The following C3AR1 variants were observed in gnomAD, a reference collection of about 807,000 sequenced individuals.
C3AR1 encodes the protein complement C3a receptor 1.
For missense variants in C3AR1, 579 were observed against 583.5 expected (o/e 0.99, Z 0.08); for synonymous variants, 208 against 225.3 (o/e 0.92, Z 0.69).
In C3AR1 at chr12:8,059,491, T is replaced by C. The variant is rs762956736; in HGVS notation, c.695A>G (p.Gln232Arg). The part of the protein sequence containing the change: ...PWTVPTVFQP[Q>R]TFQRPSADSL... The stretch of plus-strand genomic sequence containing the variant: ...ATCTGCAGAAGGTCTTTGAAATGTT[T>C]GAGGTTGGAAGACAGTGGGGACTGT... Residue 232 changes from glutamine to arginine, a missense_variant, in exon 2 of 2, where the codon CAA (glutamine) becomes CGA (arginine). Physicochemically the swap from Gln to Arg is conservative, Grantham distance 43. Coordinates refer to ENST00000307637, the MANE Select transcript of C3AR1 (RefSeq NM_004054.4). 2.7e-5 allele frequency: 44 copies of C among 1,614,058 alleles called. No individual in the cohort carries two copies. Among genetic ancestry groups the C allele is most frequent in the Non-Finnish European group, 3.6e-5 (42 of 1,180,022 alleles).
Position 8,059,685 on chromosome 12 carries a change from G to A in C3AR1, c.501C>T (p.Asp167=). Residue 167 remains aspartate (D), a synonymous_variant, in exon 2 of 2, where the codon GAC becomes GAT. Transcript: ENST00000307637. Reference sequence around the variant, plus strand: ...ATTTGTAGCCACATCTATTATGGTTGTCTGTAGTGAAGATTTCCCGGTACA... The same window carrying A: ...ATTTGTAGCCACATCTATTATGGTTATCTGTAGTGAAGATTTCCCGGTACA... The part of the protein sequence containing the change: ...VFVYREIFTT[D]NHNRCGYKFG... 1 of 1,614,158 alleles carries A rather than the reference G, an allele frequency of 6.2e-7. No homozygotes were observed. Among genetic ancestry groups the A allele is most frequent in the Non-Finnish European group, 8.5e-7 (1 of 1,180,024 alleles).
chr12:8,058,333 G>A lies in C3AR1; in HGVS notation c.*404C>T, dbSNP rs995464729. 6.1e-6 allele frequency: 1 copy of A among 162,750 alleles called. No individual in the cohort carries two copies. The highest frequency in any genetic ancestry group is 6.0e-5 in the Admixed American group (1 of 16,732). 10.1% of individuals were successfully genotyped at this position (162,750 alleles called of 1,614,324 possible). ...ATCTGGAAGACTTAGACAATGCTAA[G>A]GAAAAATTTAATGATGGAAATATCG... is the stretch of plus-strand genomic sequence containing the variant. On this transcript the variant is annotated 3_prime_UTR_variant, in exon 2 of 2. Transcript: ENST00000307637.
In C3AR1 at chr12:8,058,667, A is replaced by T; in HGVS notation, c.*70T>A. 1.3e-6 allele frequency: 2 copies of T among 1,502,148 alleles called. No homozygotes were observed. The highest frequency in any genetic ancestry group is 1.8e-6 in the Non-Finnish European group (2 of 1,115,514). The allele number at this position is 1,502,148 out of a possible 1,614,324, so 93.1% of individuals were successfully genotyped here. A position where few individuals can be genotyped will look rare whatever the true frequency, so the allele number is the denominator to read the frequency against. ...TTTGAAGTCCGCTGCTCACCATATC[A>T]CTTCATCCTCTTATAAACTTTCACT... On this transcript the variant is annotated 3_prime_UTR_variant, in exon 2 of 2. Coordinates refer to ENST00000307637, the MANE Select transcript of C3AR1 (RefSeq NM_004054.4).
chr12:8,058,691 C>T lies in C3AR1; in HGVS notation c.*46G>A. 2.6e-6 allele frequency: 4 copies of T among 1,546,672 alleles called. No homozygotes were observed. The highest frequency in any genetic ancestry group is 2.5e-5 in the South Asian group (2 of 79,888). ...CACTTCATCCTCTTATAAACTTTCACTATGTGATTGCCTAAGAGCCCCTGC... is the reference window on the plus strand; with the variant it reads ...CACTTCATCCTCTTATAAACTTTCATTATGTGATTGCCTAAGAGCCCCTGC... On this transcript the variant is annotated 3_prime_UTR_variant, in exon 2 of 2. Coordinates refer to ENST00000307637, the MANE Select transcript of C3AR1 (RefSeq NM_004054.4).
At position 8,057,810 on chromosome 12, in the gene C3AR1, T is replaced by G. The variant is rs1386085495; in HGVS notation, c.*927A>C. On this transcript the variant is annotated 3_prime_UTR_variant, in exon 2 of 2. Coordinates refer to ENST00000307637, the MANE Select transcript of C3AR1 (RefSeq NM_004054.4). ...TTCTCCTTCCACTTGAAATACTTTC[T>G]TAGAAAGTATTCATTTGGAGCAAGA... Among the ~76,000 whole-genome samples, 1 of 152,158 alleles carries G rather than the reference T, an allele frequency of 6.6e-6. No individual in the cohort carries two copies. Among genetic ancestry groups the G allele is most frequent in the Admixed American group, 6.5e-5 (1 of 15,278 alleles).
Position 8,057,623 on chromosome 12 carries a change from G to A in C3AR1, c.*1114C>T, listed in dbSNP as rs1317373896. Among the ~76,000 whole-genome samples, 1 of 152,108 alleles carries A rather than the reference G, an allele frequency of 6.6e-6. No individual in the cohort carries two copies. The highest frequency in any genetic ancestry group is 2.4e-5 in the African/African-American group (1 of 41,416). ...TAAATTATTTTAAAACTATGTGCAT[G>A]TATTACTTTGGCAAAGAAAAGGATT... On this transcript the variant is annotated 3_prime_UTR_variant, in exon 2 of 2. Transcript: ENST00000307637.
chr12:8,058,594 ATAGTCTGTGTACCGT>A lies in C3AR1; in HGVS notation c.*128_*142del. ...AAGTTTCTAGGTGATGCTGATGTCA[ATAGTCTGTGTACCGT>A]TTGAGAACCGCTGGATTGATTCTTT... On this transcript the variant is annotated 3_prime_UTR_variant, in exon 2 of 2. Transcript: ENST00000307637. The A allele has an allele frequency of 1.1e-6, 1 of 877,582 alleles. No individual in the cohort carries two copies. The highest frequency in any genetic ancestry group is 1.8e-6 in the Non-Finnish European group (1 of 569,698). The allele number at this position is 877,582 out of a possible 1,614,324, so 54.4% of individuals were successfully genotyped here.
In C3AR1 at chr12:8,057,224, A is replaced by C. The variant is rs1947199563; in HGVS notation, c.*1513T>G. 6.6e-6 allele frequency among the ~76,000 whole-genome samples: 1 copy of C among 152,232 alleles called. No homozygotes were observed. Among genetic ancestry groups the C allele is most frequent in the Non-Finnish European group, 1.5e-5 (1 of 68,040 alleles). On this transcript the variant is annotated 3_prime_UTR_variant, in exon 2 of 2. Transcript: ENST00000307637. ...AAAAATGAGAAGGTGGTAGGGAGTT[A>C]GGTAATTTTGTTTTAAATGAAAAAG... is the stretch of plus-strand genomic sequence containing the variant.
chr12:8,058,971 T>C lies in C3AR1; in HGVS notation c.1215A>G (p.Pro405=), dbSNP rs1947229576. The C allele has an allele frequency of 1.9e-6, 3 of 1,614,208 alleles. No homozygotes were observed. Among genetic ancestry groups the C allele is most frequent in the Non-Finnish European group, 2.5e-6 (3 of 1,180,034 alleles). Residue 405 remains proline (P), a synonymous_variant, in exon 2 of 2, where the codon CCA becomes CCG. Coordinates refer to ENST00000307637, the MANE Select transcript of C3AR1 (RefSeq NM_004054.4). The stretch of plus-strand genomic sequence containing the variant: ...TCAGAGTTTTCCCCAAGGGAGTTTC[T>C]GGGTCAGTAAGCAATGACAGGACTC... The part of the protein sequence containing the change: ...IFGVLSLLTD[P]ETPLGKTLMS...
At position 8,059,042 on chromosome 12, in the gene C3AR1, C is replaced by T. The variant is rs762193633; in HGVS notation, c.1144G>A (p.Val382Met). Reference protein sequence around the residue: ...QSKTFRVAVVVVAVFLVCWTP... With the variant: ...QSKTFRVAVVMVAVFLVCWTP... ...CAGCAGACAAGAAAGACAGCCACCA[C>T]CACCACGGCCACTCGAAAGGTTTTG... The change falls in exon 2 of 2, where the codon GTG becomes ATG. Residue 382 changes from valine to methionine, a missense_variant. Val to Met is a conservative substitution (Grantham distance 21). Coordinates refer to ENST00000307637, the MANE Select transcript of C3AR1 (RefSeq NM_004054.4). 13 of 1,614,210 alleles carry T rather than the reference C, an allele frequency of 8.1e-6. 1 individual carries two copies. The South Asian group carries it at 1.2e-4, about 15-fold the overall frequency.
At position 8,059,884 on chromosome 12, in the gene C3AR1, A is replaced by G. The variant is rs1475715638; in HGVS notation, c.302T>C (p.Ile101Thr). 6 of 1,614,192 alleles carry G rather than the reference A, an allele frequency of 3.7e-6. No homozygotes were observed. In the Admixed American group the frequency reaches 5.0e-5, roughly 13 times the overall value. Residue 101 changes from isoleucine (I) to threonine (T), a missense_variant, in exon 2 of 2, where the codon ATC becomes ACC. Ile to Thr is a moderately conservative substitution (Grantham distance 89). Coordinates refer to ENST00000307637, the MANE Select transcript of C3AR1 (RefSeq NM_004054.4). ...GRFLCKLIPSIIVLNMFASVF... is the reference protein window; with the variant it reads ...GRFLCKLIPSTIVLNMFASVF... ...ACTGGCAAACATGTTGAGGACAATG[A>G]TGGAGGGGATGAGCTTGCATAGGAA...
At position 8,060,192 on chromosome 12, in the gene C3AR1, A is replaced by G; in HGVS notation, c.-7T>C. 6.4e-7 allele frequency: 1 copy of G among 1,568,738 alleles called. No homozygotes were observed. Among genetic ancestry groups the G allele is most frequent in the Non-Finnish European group, 8.6e-7 (1 of 1,157,186 alleles). ...CAGCAGAGAAAGACGCCATTGCTAA[A>G]CTTCTGCAAAAAGATGAAAAAAATG... is the stretch of plus-strand genomic sequence containing the variant. On this transcript the variant is annotated 5_prime_UTR_variant, in exon 2 of 2. Coordinates refer to ENST00000307637, the MANE Select transcript of C3AR1 (RefSeq NM_004054.4).
chr12:8,059,163 T>C lies in C3AR1; in HGVS notation c.1023A>G (p.Leu341=). ...CAGAGGGCAGCAGGAAACCCACCACTAGCCTAGTGATCGTTATTGCCACGA... is the reference window on the plus strand; with the variant it reads ...CAGAGGGCAGCAGGAAACCCACCACCAGCCTAGTGATCGTTATTGCCACGA... ...TPLVAITITR[L]VVGFLLPSVI... Residue 341 remains leucine, a synonymous_variant, in exon 2 of 2, where the codon CTA becomes CTG. Coordinates refer to ENST00000307637, the MANE Select transcript of C3AR1 (RefSeq NM_004054.4). 6.2e-7 allele frequency: 1 copy of C among 1,614,202 alleles called. No individual in the cohort carries two copies. The highest frequency in any genetic ancestry group is 8.5e-7 in the Non-Finnish European group (1 of 1,180,028).
In C3AR1 at chr12:8,059,311, G is replaced by A. The variant is rs372541056; in HGVS notation, c.875C>T (p.Thr292Ile). 1 of 1,614,214 alleles carries A rather than the reference G, an allele frequency of 6.2e-7. No homozygotes were observed. Among genetic ancestry groups the A allele is most frequent in the African/African-American group, 1.3e-5 (1 of 75,056 alleles). Reference sequence around the variant, plus strand: ...AGCGCTAGGGAACAGCTTTAAATGAGTAGAGAGAAAAGCATCAGAGTTATC... The same window carrying A: ...AGCGCTAGGGAACAGCTTTAAATGAATAGAGAGAAAAGCATCAGAGTTATC... Reference protein sequence around the residue: ...PLDNSDAFLSTHLKLFPSASS... With the variant: ...PLDNSDAFLSIHLKLFPSASS... The change falls in exon 2 of 2, where the codon ACT (threonine) becomes ATT (isoleucine). Residue 292 changes from threonine (T) to isoleucine (I), a missense_variant. Coordinates refer to ENST00000307637, the MANE Select transcript of C3AR1 (RefSeq NM_004054.4).
Position 8,058,820 on chromosome 12 carries a change from C to T in C3AR1, c.1366G>A (p.Ala456Thr). The change falls in exon 2 of 2, where the codon GCA becomes ACA. Residue 456 changes from alanine (A) to threonine (T), a missense_variant. Coordinates refer to ENST00000307637, the MANE Select transcript of C3AR1 (RefSeq NM_004054.4). ...CGTGTGAGCTCCTCACTGAAGGCTG[C>T]CTCCAGAATTCCCTGAATGGACTGC... ...ARQSIQGILE[A>T]AFSEELTRST... 1 of 1,614,126 alleles carries T rather than the reference C, an allele frequency of 6.2e-7. No homozygotes were observed. Among genetic ancestry groups the T allele is most frequent in the South Asian group, 1.1e-5 (1 of 91,088 alleles).
At position 8,057,221 on chromosome 12, in the gene C3AR1, G is replaced by T. The variant is rs1947199530; in HGVS notation, c.*1516C>A. Among the ~76,000 whole-genome samples the T allele has an allele frequency of 6.6e-6, 1 of 152,184 alleles. No homozygotes were observed. The highest frequency in any genetic ancestry group is 2.1e-4 in the South Asian group (1 of 4,828). ...CAGAAAAATGAGAAGGTGGTAGGGAGTTAGGTAATTTTGTTTTAAATGAAA... is the reference window on the plus strand; with the variant it reads ...CAGAAAAATGAGAAGGTGGTAGGGATTTAGGTAATTTTGTTTTAAATGAAA... On this transcript the variant is annotated 3_prime_UTR_variant, in exon 2 of 2. Coordinates refer to ENST00000307637, the MANE Select transcript of C3AR1 (RefSeq NM_004054.4).
At chr12:8,061,042 C>G (rs1023987943) in intron 1 of C3AR1, among the ~76,000 whole-genome samples, 2 of 152,180 alleles carry the variant, frequency 1.3e-5, no homozygotes, top group Admixed American at 6.5e-5. Flanking sequence ...TCAGAGGACT[C>G]GCCGCCACAG....
Position 8,058,807 on chromosome 12 carries a change from T to G in C3AR1, c.1379A>C (p.Glu460Ala). Residue 460 changes from glutamate to alanine, a missense_variant, in exon 2 of 2, where the codon GAG becomes GCG. By Grantham distance (107) the Glu-to-Ala change is moderately radical (BLOSUM62 -1). Coordinates refer to ENST00000307637, the MANE Select transcript of C3AR1 (RefSeq NM_004054.4). Reference sequence around the variant, plus strand: ...ACAGTGGGTGGAACGTGTGAGCTCCTCACTGAAGGCTGCCTCCAGAATTCC... The same window carrying G: ...ACAGTGGGTGGAACGTGTGAGCTCCGCACTGAAGGCTGCCTCCAGAATTCC... ...IQGILEAAFS[E>A]ELTRSTHCPS... The G allele has an allele frequency of 1.2e-6, 2 of 1,614,176 alleles. No individual in the cohort carries two copies. Among genetic ancestry groups the G allele is most frequent in the Non-Finnish European group, 1.7e-6 (2 of 1,179,988 alleles).
At chr12:8,065,596 G>C (rs1947323065) in intron 1 of C3AR1, among the ~76,000 whole-genome samples, 1 of 147,536 alleles carries the variant, frequency 6.8e-6, no homozygotes. Context: ...GGAGGTTGCA[G>C]TGAGCTGAGA....
Sources: allele counts gnomAD v4.1 joint callset (sites outside exome capture counted in the v4.1 genomes callset), GRCh38; gene constraint gnomAD v4.1.1; transcripts MANE v1.5; gene names NCBI Gene and HGNC (gene_info 2026-07-23, HGNC 2026-07-21).